The following ZNF365 variants were observed in gnomAD, a reference collection of about 807,000 sequenced individuals.
The protein encoded by ZNF365 is zinc finger protein 365, also known as protein ZNF365.
In ZNF365, 22 loss-of-function variants were observed where a neutral mutation model predicts 35.0. That is an observed-to-expected ratio of 0.63 (90% confidence interval 0.45 to 0.90). The LOEUF (loss-of-function observed/expected upper bound fraction) is 0.90, where lower values mean the gene tolerates loss of function less well. Ranked by LOEUF, ZNF365 falls within the 40% of genes least tolerant of loss-of-function variation. The pLI is 0.00. For synonymous variants in ZNF365, 188 were observed against 196.2 expected, an observed-to-expected ratio of 0.96 and a Z score of 0.35; for missense variants, 448 against 500.3, an observed-to-expected ratio of 0.90 and a Z score of 1.00.
At chr10:62,437,681 T>C (rs933784710) in intron 3 of ZNF365, among the ~76,000 whole-genome samples, 2 of 152,204 alleles carry the variant, frequency 1.3e-5, no homozygotes, top group Admixed American at 6.5e-5. Flanking sequence ...TGTGTGTGAA[T>C]AGTATATGCA....
At chr10:62,453,850 G>T (rs1840722787) in intron 3 of ZNF365, among the ~76,000 whole-genome samples, 1 of 152,130 alleles carries the variant, frequency 6.6e-6, no homozygotes, top group Non-Finnish European at 1.5e-5. Flanking sequence ...TAATATTTGG[G>T]ATATGATTTA....
chr10:62,426,788 T>G (rs1840256813), intron 3 of ZNF365, among the ~76,000 whole-genome samples: 1 of 152,098 alleles, frequency 6.6e-6, no homozygotes, highest in South Asian at 2.1e-4. Flanking sequence ...ATGATTAAGT[T>G]AGAGGAATGT....
At chr10:62,421,308 A>G (rs1278381172) in intron 3 of ZNF365, among the ~76,000 whole-genome samples, 3 of 152,192 alleles carry the variant, frequency 2.0e-5, no homozygotes, top group African/African-American at 7.2e-5. Context: ...CAAATCTGTT[A>G]CCTGGCCTTT....
rs142196197 is a variant in ZNF365, at chr10:62,376,768, C to A, written c.575C>A (p.Ala192Glu). Residue 192 changes from alanine to glutamate, a missense_variant, in exon 2 of 5, where the codon GCG becomes GAG. This residue lies in a region of ZNF365 where 362 missense variants were observed against 375.7 expected (regional missense o/e 0.96). Coordinates refer to ENST00000395254, the MANE Select transcript of ZNF365 (RefSeq NM_014951.3). ...ACCAAAGAGTTGGCCCAGAAAACTGCGGAACTGTTGGAAGTTCGGGCAGCT... is the reference window on the plus strand; with the variant it reads ...ACCAAAGAGTTGGCCCAGAAAACTGAGGAACTGTTGGAAGTTCGGGCAGCT... ...KLTKELAQKTAELLEVRAAFV... is the reference protein window; with the variant it reads ...KLTKELAQKTEELLEVRAAFV... The A allele has an allele frequency of 3.1e-6, 5 of 1,614,060 alleles. No individual in the cohort carries two copies. The highest frequency in any genetic ancestry group is 2.2e-5 in the East Asian group (1 of 44,902).
At chr10:62,421,269 T>A (rs1472473638) in intron 3 of ZNF365, among the ~76,000 whole-genome samples, 1 of 152,200 alleles carries the variant, frequency 6.6e-6, no homozygotes, top group Non-Finnish European at 1.5e-5. Context: ...TGATGAAAGA[T>A]CGTACAACAC....
intron 4 of ZNF365, among the ~76,000 whole-genome samples, chr10:62,465,243 C>T (rs1840920769): frequency 6.6e-6 from 1 of 152,226 alleles, no homozygotes; most frequent in Non-Finnish European, 1.5e-5. Flanking sequence ...GCTGACACAC[C>T]AGTCGCCTCT....
chr10:62,455,586 A>G (rs1201944875), intron 3 of ZNF365, among the ~76,000 whole-genome samples: 1 of 151,806 alleles, frequency 6.6e-6, no homozygotes, highest in Non-Finnish European at 1.5e-5. Context: ...TATTATATTT[A>G]TATTTAAATA....
At chr10:62,407,374 A>G (rs116417448), downstream of ZNF365, among the ~76,000 whole-genome samples, 737 of 152,274 alleles carry the variant, frequency 4.8e-3, 4 homozygotes, top group African/African-American at 0.017. Context: ...TTCCTTTGAG[A>G]TATTCCTTCA....
At chr10:62,375,994 T>C (rs930094432) in intron 1 of ZNF365, 187 bp from the exon 2 acceptor site, 4 of 589,960 alleles carry the variant, frequency 6.8e-6, no homozygotes, top group African/African-American at 3.7e-5. Flanking sequence ...ACGGCAGCAG[T>C]AAATAATGCA....
intron 2 of ZNF365, among the ~76,000 whole-genome samples, chr10:62,386,918 G>A (rs1057375042): frequency 3.3e-5 from 5 of 152,178 alleles, no homozygotes; most frequent in African/African-American, 2.4e-5. Context: ...TAGCATTCAC[G>A]AATCAAAATT....
At chr10:62,442,714 G>A (rs923438329) in intron 3 of ZNF365, among the ~76,000 whole-genome samples, 1 of 152,116 alleles carries the variant, frequency 6.6e-6, no homozygotes, top group Non-Finnish European at 1.5e-5. Flanking sequence ...CTCAACTCCT[G>A]GTTCTTCTTT....
intron 4 of ZNF365, among the ~76,000 whole-genome samples, chr10:62,478,683 C>T (rs1321801712): frequency 6.6e-6 from 1 of 152,216 alleles, no homozygotes; most frequent in Admixed American, 6.5e-5. Context: ...ATGCCATTCT[C>T]CTGCCTCAGC....
chr10:62,388,546 T>C lies in ZNF365; in HGVS notation c.894T>C (p.Ser298=), dbSNP rs899442977. Residue 298 remains serine, a synonymous_variant, in exon 3 of 5, where the codon TCT becomes TCC. Transcript: ENST00000395254. ...AGTACTATCAGAGCCAGCAGGCCTC[T>C]GGCTTTGTCCGTGATCTCAGCGGGC... is the stretch of plus-strand genomic sequence containing the variant. ...QLEYYQSQQA[S]GFVRDLSGHV... The C allele has an allele frequency of 6.2e-7, 1 of 1,614,084 alleles. No individual in the cohort carries two copies. Among genetic ancestry groups the C allele is most frequent in the Middle Eastern group, 1.7e-4 (1 of 6,036 alleles).
chr10:62,445,027 T>A lies in ZNF365; in HGVS notation c.925-14714T>A, dbSNP rs139164906. Among the ~76,000 whole-genome samples the A allele has an allele frequency of 8.7e-3, 1,326 of 152,064 alleles. 25 individuals carry two copies. The highest frequency in any genetic ancestry group is 0.03 in the African/African-American group (1,253 of 41,458). On this transcript the variant is annotated intron_variant, in intron 3 of 4. Coordinates refer to the ZNF365 transcript ENST00000395255. ...ACCTATGAGTGAGAACACGAGGTGT[T>A]TGGTTTTTTGTCCTTGCGATAGTTT... is the stretch of plus-strand genomic sequence containing the variant.
chr10:62,389,937 A>G lies in ZNF365; in HGVS notation c.924+1361A>G, dbSNP rs566061327. 6.6e-5 allele frequency among the ~76,000 whole-genome samples: 10 copies of G among 152,212 alleles called. No individual in the cohort carries two copies. The South Asian group carries it at 2.1e-3, about 32-fold the overall frequency. Reference sequence around the variant, plus strand: ...ATGCTTCTGAGGGGGAAGTCACACCACACTTTGATCCCTCTCCATCTCCTC... The same window carrying G: ...ATGCTTCTGAGGGGGAAGTCACACCGCACTTTGATCCCTCTCCATCTCCTC... On this transcript the variant is annotated intron_variant, in intron 3 of 4. Coordinates refer to ENST00000395254, the MANE Select transcript of ZNF365 (RefSeq NM_014951.3).
chr10:62,448,735 G>A (rs1411507623), intron 3 of ZNF365, among the ~76,000 whole-genome samples: 5 of 152,038 alleles, frequency 3.3e-5, no homozygotes, highest in Non-Finnish European at 5.9e-5. Context: ...GAAAGCATTG[G>A]TCTCACCTAG....
intron 4 of ZNF365, among the ~76,000 whole-genome samples, chr10:62,464,861 T>C (rs977086134): frequency 6.6e-6 from 1 of 152,202 alleles, no homozygotes; most frequent in Non-Finnish European, 1.5e-5. Flanking sequence ...CGGTGGCCCA[T>C]CTGGAGTGGC....
intron 3 of ZNF365, among the ~76,000 whole-genome samples, chr10:62,452,451 C>A (rs1840697903): frequency 6.6e-6 from 1 of 152,356 alleles, no homozygotes; most frequent in South Asian, 2.1e-4. Flanking sequence ...GAATCTTACA[C>A]TGACCAAGGT....
At chr10:62,422,513 A>C (rs887751643) in intron 3 of ZNF365, among the ~76,000 whole-genome samples, 1 of 152,092 alleles carries the variant, frequency 6.6e-6, no homozygotes, top group African/African-American at 2.4e-5. Context: ...CACTATTTAG[A>C]CCTAATGACC....
Sources: allele counts gnomAD v4.1 joint callset (sites outside exome capture counted in the v4.1 genomes callset), GRCh38; gene constraint gnomAD v4.1.1; regional missense constraint gnomAD v4.1.1; transcripts MANE v1.5; gene names NCBI Gene and HGNC (gene_info 2026-07-23, HGNC 2026-07-21).